Variants in SSR1 observed in about 807,000 individuals in gnomAD.
The protein encoded by SSR1 is signal sequence receptor subunit 1.
Under a neutral mutation model 36.1 loss-of-function variants are expected in SSR1, and 13 were observed. The ratio of observed to expected loss-of-function variants is 0.36; its 90% CI spans 0.23 to 0.57. The LOEUF (loss-of-function observed/expected upper bound fraction) is 0.57, where lower values mean the gene tolerates loss of function less well. Ranked by LOEUF, SSR1 falls within the 20% of genes least tolerant of loss-of-function variation. The pLI, the probability that SSR1 is intolerant of heterozygous loss-of-function variation, is 0.81. For missense variants in SSR1, 291 were observed against 338.5 expected, an observed-to-expected ratio of 0.86 and a Z score of 1.10; for synonymous variants, 113 against 118.9, an observed-to-expected ratio of 0.95 and a Z score of 0.32.
At chr6:7,296,864 G>A (rs1474964882) in intron 6 of SSR1, 1 of 153,624 alleles carries the variant, frequency 6.5e-6, no homozygotes, top group Non-Finnish European at 1.5e-5. Flanking sequence ...AGAACAAAAT[G>A]TATTAGTTCT....
At chr6:7,306,581 C>T (rs1203131412) in intron 2 of SSR1, among the ~76,000 whole-genome samples, 1 of 152,064 alleles carries the variant, frequency 6.6e-6, no homozygotes, top group Non-Finnish European at 1.5e-5. Context: ...CATTGCGACC[C>T]AGTTTTATAG....
chr6:7,293,786 G>GA (rs34090814), intron 7 of SSR1, among the ~76,000 whole-genome samples: 3 of 152,186 alleles, frequency 2.0e-5, no homozygotes, highest in South Asian at 2.1e-4. Flanking sequence ...CAATTATATT[G>GA]AAAAAATCTG....
At chr6:7,312,762 C>T (rs1758235261) in intron 1 of SSR1, among the ~76,000 whole-genome samples, 1 of 152,210 alleles carries the variant, frequency 6.6e-6, no homozygotes, top group Non-Finnish European at 1.5e-5. Flanking sequence ...AGGCGAGGGT[C>T]CAGGGCAAGA....
intron 3 of SSR1, among the ~76,000 whole-genome samples, 156 bp from the exon 4 acceptor site, chr6:7,301,728 T>C (rs76610212): frequency 0.018 from 2,708 of 152,258 alleles, 41 homozygotes; most frequent in East Asian, 0.06. Context: ...TAACGAGAAA[T>C]TGGTTCAAGT....
In SSR1 at chr6:7,306,289, CCCA is replaced by C. The variant is rs1758051111; in HGVS notation, c.193-2655_193-2653del. Among the ~76,000 whole-genome samples the C allele has an allele frequency of 2.6e-5, 4 of 151,958 alleles. No homozygotes were observed. The South Asian group carries it at 8.3e-4, about 32-fold the overall frequency. On this transcript the variant is annotated intron_variant, in intron 2 of 7. Coordinates refer to ENST00000244763, the MANE Select transcript of SSR1 (RefSeq NM_003144.5). ...TCCCAAGCAGCTGGGACTACAGGTG[CCCA>C]CCACCACACCCGGCAGATTTTTTTG...
In SSR1 at chr6:7,287,035, G is replaced by T. The variant is rs2113265609; in HGVS notation, c.*2829C>A. ...CAGGGTCTAGTCTTGGCAAGAGATG[G>T]TATGTGTCACTGAGTTTTAAAAAAT... On this transcript the variant is annotated 3_prime_UTR_variant, in exon 8 of 8. Transcript: ENST00000244763. The T allele has an allele frequency of 6.6e-6, 1 of 152,068 alleles. No homozygotes were observed. Among genetic ancestry groups the T allele is most frequent in the South Asian group, 2.1e-4 (1 of 4,814 alleles). The allele number at this position is 152,068 out of a possible 1,614,324, so 9.4% of individuals were successfully genotyped here.
Position 7,284,775 on chromosome 6 carries a change from G to C in SSR1, c.*5089C>G, listed in dbSNP as rs943686172. 6.6e-6 allele frequency: 1 copy of C among 150,884 alleles called. No individual in the cohort carries two copies. The highest frequency in any genetic ancestry group is 1.5e-5 in the Non-Finnish European group (1 of 67,894). 9.3% of individuals were successfully genotyped at this position (150,884 alleles called of 1,614,324 possible). A position where few individuals can be genotyped will look rare whatever the true frequency, so the allele number is the denominator to read the frequency against. On this transcript the variant is annotated 3_prime_UTR_variant, in exon 8 of 8. Coordinates refer to ENST00000244763, the MANE Select transcript of SSR1 (RefSeq NM_003144.5). The stretch of plus-strand genomic sequence containing the variant: ...AGGTTTAAGGGAAGAATCATTTATA[G>C]TAACACTGAATTAAGTAAGGGTTTG...
chr6:7,301,424 G>A lies in SSR1; in HGVS notation c.429C>T (p.Asn143=), dbSNP rs746681858. Residue 143 remains asparagine (N), a synonymous_variant, in exon 4 of 8, where the codon AAC becomes AAT. Transcript: ENST00000244763. The part of the protein sequence containing the change: ...YIQNFTALPL[N]TVVPPQRQAT... ...CCTGTCTCTGGGGTGGCACTACAGTGTTCAGAGGAAGAGCTGTGAAATTCT... is the reference window on the plus strand; with the variant it reads ...CCTGTCTCTGGGGTGGCACTACAGTATTCAGAGGAAGAGCTGTGAAATTCT... The A allele has an allele frequency of 2.5e-6, 4 of 1,614,048 alleles. No homozygotes were observed. Among genetic ancestry groups the A allele is most frequent in the Non-Finnish European group, 3.4e-6 (4 of 1,180,038 alleles).
In SSR1 at chr6:7,287,782, A is replaced by G. The variant is rs1299941366; in HGVS notation, c.*2082T>C. 1.3e-5 allele frequency: 2 copies of G among 152,670 alleles called. No individual in the cohort carries two copies. Among genetic ancestry groups the G allele is most frequent in the Admixed American group, 6.5e-5 (1 of 15,290 alleles). 9.5% of individuals were successfully genotyped at this position (152,670 alleles called of 1,614,324 possible). On this transcript the variant is annotated 3_prime_UTR_variant, in exon 8 of 8. Transcript: ENST00000244763. ...TAAAAAGACATTTAAAAAATAGGCTACTTATTAAGTGTGCTTGAACAAACC... is the reference window on the plus strand; with the variant it reads ...TAAAAAGACATTTAAAAAATAGGCTGCTTATTAAGTGTGCTTGAACAAACC...
chr6:7,306,822 A>G (rs921336795), intron 2 of SSR1, among the ~76,000 whole-genome samples: 1 of 148,372 alleles, frequency 6.7e-6, no homozygotes, highest in African/African-American at 2.5e-5. Context: ...AGACTGAGGC[A>G]GGAGACTGGC....
In SSR1 at chr6:7,301,456, A is replaced by C; in HGVS notation, c.397T>G (p.Tyr133Asp). 6.2e-7 allele frequency: 1 copy of C among 1,614,196 alleles called. No homozygotes were observed. The highest frequency in any genetic ancestry group is 8.5e-7 in the Non-Finnish European group (1 of 1,180,038). The part of the protein sequence containing the change: ...SFRYPQDYQF[Y>D]IQNFTALPLN... Reference sequence around the variant, plus strand: ...GGAAGAGCTGTGAAATTCTGGATATAAAACTGGTAGTCCTGAGGATAACGG... The same window carrying C: ...GGAAGAGCTGTGAAATTCTGGATATCAAACTGGTAGTCCTGAGGATAACGG... Residue 133 changes from tyrosine (Y) to aspartate (D), a missense_variant, in exon 4 of 8, where the codon TAT becomes GAT. Coordinates refer to ENST00000244763, the MANE Select transcript of SSR1 (RefSeq NM_003144.5).
chr6:7,291,392 C>T (rs377032874), intron 7 of SSR1, among the ~76,000 whole-genome samples: 3 of 151,872 alleles, frequency 2.0e-5, no homozygotes, highest in East Asian at 1.9e-4. Context: ...AGCAAGACTC[C>T]GTGTCTCAGA....
intron 2 of SSR1, among the ~76,000 whole-genome samples, chr6:7,306,274 C>T (rs1300111032): frequency 6.6e-6 from 1 of 152,232 alleles, no homozygotes; most frequent in African/African-American, 2.4e-5. Context: ...TCCCAAGCAG[C>T]TGGGACTACA....
chr6:7,294,739 T>G (rs987331697), intron 7 of SSR1, among the ~76,000 whole-genome samples: 5 of 152,098 alleles, frequency 3.3e-5, no homozygotes, highest in Non-Finnish European at 5.9e-5. Flanking sequence ...AAGTCAGGAA[T>G]TGACTTATTT....
chr6:7,297,841 T>A (rs78770007), intron 6 of SSR1, 82 bp downstream of exon 6: 103,038 of 1,024,066 alleles, frequency 0.1, 6,129 homozygotes, highest in Non-Finnish European at 0.12. Flanking sequence ...AGTGACAGTA[T>A]GAGGCCGAAG....
At chr6:7,306,372 T>C (rs898274623) in intron 2 of SSR1, among the ~76,000 whole-genome samples, 20 of 151,752 alleles carry the variant, frequency 1.3e-4, no homozygotes, top group African/African-American at 4.6e-4. Context: ...CTTGATCTCC[T>C]GACCTCGTGA....
At chr6:7,301,610 T>G in intron 3 of SSR1, 38 bp from the exon 4 acceptor site, 1 of 1,567,892 alleles carries the variant, frequency 6.4e-7, no homozygotes, top group Non-Finnish European at 8.6e-7. Context: ...TTAGAACACA[T>G]GGAAAGAGCA....
intron 2 of SSR1, among the ~76,000 whole-genome samples, chr6:7,307,239 T>TA (rs140974144): frequency 0.053 from 8,043 of 152,206 alleles, 279 homozygotes; most frequent in East Asian, 0.14. Flanking sequence ...CCATCTTTCT[T>TA]AGACAGTCTA....
At position 7,313,149 on chromosome 6, in the gene SSR1, G is replaced by C; in HGVS notation, c.-29C>G. 6.3e-7 allele frequency: 1 copy of C among 1,584,682 alleles called. No homozygotes were observed. Among genetic ancestry groups the C allele is most frequent in the Non-Finnish European group, 8.6e-7 (1 of 1,165,070 alleles). ...GCTGCCGGTCCAGTGTCCAGTTTCC[G>C]TCGGCTAAGGCTCTCGGCGGCTCCG... is the stretch of plus-strand genomic sequence containing the variant. On this transcript the variant is annotated 5_prime_UTR_variant, in exon 1 of 8. Coordinates refer to ENST00000244763, the MANE Select transcript of SSR1 (RefSeq NM_003144.5).
Sources: allele counts gnomAD v4.1 joint callset (sites outside exome capture counted in the v4.1 genomes callset), GRCh38; gene constraint gnomAD v4.1.1; transcripts MANE v1.5; gene names NCBI Gene and HGNC (gene_info 2026-07-23, HGNC 2026-07-21).